The following NPAS3 variants were observed in gnomAD, a reference collection of about 807,000 sequenced individuals.
The protein encoded by NPAS3 is neuronal PAS domain protein 3.
NPAS3 carries 14 observed loss-of-function variants against 73.1 expected under a neutral mutation model. That is an observed-to-expected ratio of 0.19 (90% CI 0.13 to 0.30). NPAS3 has a LOEUF of 0.30. NPAS3 is among the 10% of genes least tolerant of loss of function. The pLI, the probability that NPAS3 is intolerant of heterozygous loss-of-function variation, is 1.00. For missense variants in NPAS3, 1,096 were observed against 1,250.0 expected (o/e 0.88, Z 1.86); for synonymous variants, 620 against 541.5 (o/e 1.14, Z -2.01).
At chr14:32,954,417 A>T (rs1267288022) in intron 1 of NPAS3, among the ~76,000 whole-genome samples, 1 of 152,068 alleles carries the variant, frequency 6.6e-6, no homozygotes, top group African/African-American at 2.4e-5. Context: ...ACCCAATAAG[A>T]TAGGTTCTGT....
chr14:33,548,939 C>T (rs181467131), intron 4 of NPAS3, among the ~76,000 whole-genome samples: 2 of 152,322 alleles, frequency 1.3e-5, no homozygotes, highest in Admixed American at 1.3e-4. Flanking sequence ...CTTTCTTCTG[C>T]CCTGGGACAT....
rs370224927 is a variant in NPAS3, at chr14:33,109,982, A to G, written c.140+53988A>G. On this transcript the variant is annotated intron_variant, in intron 2 of 11. Transcript: ENST00000356141. ...TTTTAATATTTATAAATACAAGCAG[A>G]TGAACATTTAAGTACAACTCTAACA... Among the ~76,000 whole-genome samples the G allele has an allele frequency of 8.6e-5, 13 of 151,682 alleles. No individual in the cohort carries two copies. The East Asian group carries it at 2.1e-3, about 25-fold the overall frequency.
chr14:33,352,074 T>C (rs373457365), intron 3 of NPAS3, among the ~76,000 whole-genome samples: 3 of 152,276 alleles, frequency 2.0e-5, no homozygotes, highest in African/African-American at 7.2e-5. Context: ...TTAAAAAAAT[T>C]TACAAATGAC....
intron 4 of NPAS3, among the ~76,000 whole-genome samples, chr14:33,490,790 G>A (rs2051855213): frequency 6.6e-6 from 1 of 152,128 alleles, no homozygotes; most frequent in African/African-American, 2.4e-5. Context: ...TTCTGTACCT[G>A]GCAGAGAATG....
chr14:33,105,012 A>G (rs1369944850), intron 2 of NPAS3, among the ~76,000 whole-genome samples: 1 of 152,194 alleles, frequency 6.6e-6, no homozygotes, highest in African/African-American at 2.4e-5. Flanking sequence ...ATTTTGGAAT[A>G]TATCTAGGAG....
At chr14:33,331,200 T>G (rs1273485993) in intron 3 of NPAS3, among the ~76,000 whole-genome samples, 1 of 152,278 alleles carries the variant, frequency 6.6e-6, no homozygotes, top group African/African-American at 2.4e-5. Flanking sequence ...GGCTATAAAG[T>G]TGTTCGTAAT....
chr14:33,261,855 T>A (rs1373924126), intron 3 of NPAS3, among the ~76,000 whole-genome samples: 1 of 152,186 alleles, frequency 6.6e-6, no homozygotes, highest in Non-Finnish European at 1.5e-5. Context: ...TATCTTATTA[T>A]AGGAATTCTT....
chr14:33,237,514 C>G (rs2139811098), intron 3 of NPAS3, among the ~76,000 whole-genome samples: 1 of 152,154 alleles, frequency 6.6e-6, no homozygotes, highest in Middle Eastern at 3.4e-3. Context: ...AATTGAATGA[C>G]AGTGAGCAAA....
At chr14:33,192,501 C>G (rs901183782) in intron 2 of NPAS3, among the ~76,000 whole-genome samples, 1 of 152,178 alleles carries the variant, frequency 6.6e-6, no homozygotes, top group Non-Finnish European at 1.5e-5. Flanking sequence ...TGAGTCTTGC[C>G]AGTGTGTTGG....
chr14:33,340,197 A>G (rs1018803909), intron 3 of NPAS3, among the ~76,000 whole-genome samples: 6 of 152,214 alleles, frequency 3.9e-5, no homozygotes, highest in African/African-American at 1.2e-4. Flanking sequence ...CTTCTTAAGT[A>G]TCAATATTTT....
At chr14:33,646,881 C>A (rs1399881471) in intron 5 of NPAS3, among the ~76,000 whole-genome samples, 9 of 152,070 alleles carry the variant, frequency 5.9e-5, no homozygotes, top group Non-Finnish European at 1.3e-4. Flanking sequence ...TCCAGAAACT[C>A]CCCCAGAGGT....
At chr14:33,397,343 G>T (rs924817737) in intron 4 of NPAS3, among the ~76,000 whole-genome samples, 3 of 152,106 alleles carry the variant, frequency 2.0e-5, no homozygotes, top group Admixed American at 2.0e-4. Flanking sequence ...CATTTGTTCT[G>T]TGTTGATAAT....
intron 4 of NPAS3, among the ~76,000 whole-genome samples, chr14:33,542,794 G>A (rs924066255): frequency 2.0e-5 from 3 of 152,160 alleles, no homozygotes; most frequent in Non-Finnish European, 2.9e-5. Flanking sequence ...TGGGAGGGAG[G>A]TGCTGGCCTT....
At chr14:33,416,127 T>G (rs2138966893) in intron 4 of NPAS3, among the ~76,000 whole-genome samples, 1 of 152,192 alleles carries the variant, frequency 6.6e-6, no homozygotes, top group Non-Finnish European at 1.5e-5. Context: ...CAATAGGTAC[T>G]TACAAACCAA....
intron 3 of NPAS3, among the ~76,000 whole-genome samples, chr14:33,247,297 CTT>C (rs928333657): frequency 2.0e-5 from 3 of 152,110 alleles, no homozygotes; most frequent in Non-Finnish European, 2.9e-5. Flanking sequence ...GATTTTGACT[CTT>C]TGGGGAAACC....
At chr14:33,091,492 T>C (rs1215322281) in intron 2 of NPAS3, among the ~76,000 whole-genome samples, 2 of 152,194 alleles carry the variant, frequency 1.3e-5, no homozygotes, top group Middle Eastern at 3.4e-3. Flanking sequence ...ATTGAGGCAA[T>C]AATTAGTAGC....
At chr14:33,316,455 C>A (rs2043211071) in intron 3 of NPAS3, among the ~76,000 whole-genome samples, 1 of 152,014 alleles carries the variant, frequency 6.6e-6, no homozygotes, top group African/African-American at 2.4e-5. Flanking sequence ...GAGACACAGG[C>A]CCTGCAGATT....
chr14:32,964,936 C>T (rs1400271229), intron 1 of NPAS3, among the ~76,000 whole-genome samples: 6 of 152,096 alleles, frequency 3.9e-5, no homozygotes, highest in African/African-American at 1.4e-4. Flanking sequence ...CACCACTGCA[C>T]TCTGGCCTGG....
intron 2 of NPAS3, among the ~76,000 whole-genome samples, chr14:33,198,040 A>G (rs1277930751): frequency 6.7e-6 from 1 of 150,348 alleles, no homozygotes; most frequent in Non-Finnish European, 1.5e-5. Flanking sequence ...TACAGCTCTT[A>G]AGGCAGTGCG....
Sources: allele counts gnomAD v4.1 joint callset (sites outside exome capture counted in the v4.1 genomes callset), GRCh38; gene constraint gnomAD v4.1.1; transcripts MANE v1.5; gene names NCBI Gene and HGNC (gene_info 2026-07-23, HGNC 2026-07-21).